The following PI4KA variants were observed in gnomAD, a reference collection of about 807,000 sequenced individuals.
PI4KA encodes phosphatidylinositol 4-kinase alpha.
PI4KA carries 122 observed loss-of-function variants against 271.4 expected under a neutral mutation model. The observed-to-expected ratio is 0.45, with a 90% CI of 0.39 to 0.52. The LOEUF (loss-of-function observed/expected upper bound fraction) is 0.52. PI4KA is among the 20% of genes least tolerant of loss of function. The pLI, the probability that PI4KA is intolerant of heterozygous loss-of-function variation, is 0.00. For synonymous variants in PI4KA, 1,041 were observed against 1,078.8 expected (o/e 0.96, Z 0.69); for missense variants, 1,969 against 2,769.1 (o/e 0.71, Z 6.48).
At chr22:20,785,175 T>A (rs553373740) in intron 19 of PI4KA, among the ~76,000 whole-genome samples, 1 of 151,652 alleles carries the variant, frequency 6.6e-6, no homozygotes, top group East Asian at 1.9e-4. Flanking sequence ...ACTTAAGTGA[T>A]CCTCTCACCT....
intron 44 of PI4KA, among the ~76,000 whole-genome samples, chr22:20,718,075 G>A (rs571990105): frequency 6.6e-6 from 1 of 152,296 alleles, no homozygotes; most frequent in East Asian, 1.9e-4. Context: ...CCCAGGAAAC[G>A]CTAGCTCCCG....
At chr22:20,744,328 G>A in intron 30 of PI4KA, among the ~76,000 whole-genome samples, 1 of 152,154 alleles carries the variant, frequency 6.6e-6, no homozygotes, top group Admixed American at 6.5e-5. Flanking sequence ...GTGCCCAAGA[G>A]CCTATGGCAT....
intron 3 of PI4KA, among the ~76,000 whole-genome samples, chr22:20,830,339 T>G (rs904069808): frequency 9.0e-5 from 11 of 121,568 alleles, no homozygotes; most frequent in African/African-American, 3.8e-4. Context: ...TGTATAAATT[T>G]GCTCCCGTGT....
chr22:20,818,452 T>A (rs749558853), intron 7 of PI4KA, 31 bp downstream of exon 7: 5 of 1,539,292 alleles, frequency 3.2e-6, no homozygotes, highest in South Asian at 1.2e-5. Context: ...AAGTATTACG[T>A]CAAAATATTC....
chr22:20,727,379 T>G lies in PI4KA; in HGVS notation c.4792A>C (p.Thr1598Pro). 1 of 1,605,266 alleles carries G rather than the reference T, an allele frequency of 6.2e-7. No homozygotes were observed. Among genetic ancestry groups the G allele is most frequent in the Non-Finnish European group, 8.5e-7 (1 of 1,176,032 alleles). ...AGCTCTGGAGCATCGGCGTCGATGG[T>G]GTGCCAGGTGACCAGGAACTGCAGA... is the stretch of plus-strand genomic sequence containing the variant. ...EAIKFLVTWH[T>P]IDADAPELSH... is the part of the protein sequence containing the mutation. The change falls in exon 41 of 55, where the codon ACC (threonine) becomes CCC (proline). Residue 1598 changes from threonine to proline, a missense_variant. Around this residue, in one of 13 missense-constraint regions of PI4KA, gnomAD observed 388 missense variants for 521.5 expected, o/e 0.74. Transcript: ENST00000255882.
In PI4KA at chr22:20,734,511, G is replaced by A; in HGVS notation, c.3784C>T (p.Gln1262Ter). The A allele has an allele frequency of 4.3e-6, 7 of 1,613,974 alleles. No individual in the cohort carries two copies. The highest frequency in any genetic ancestry group is 5.9e-6 in the Non-Finnish European group (7 of 1,179,870). Residue 1262 changes from glutamine (Q) to a stop codon, truncating the protein, a stop_gained, in exon 33 of 55, where the codon CAG becomes TAG. Coordinates refer to ENST00000255882, the MANE Select transcript of PI4KA (RefSeq NM_058004.4). LOFTEE classifies it high-confidence loss of function. ...TCAGCAGAAAACAGGCCAAATTTCTGCTCCACCGTCATGTGCCAGGCCCCT... is the reference window on the plus strand; with the variant it reads ...TCAGCAGAAAACAGGCCAAATTTCTACTCCACCGTCATGTGCCAGGCCCCT... ...MAGAWHMTVE[Q>*]KFGLFSAEIK...
At chr22:20,858,374 C>T (rs989303819) in intron 1 of PI4KA, among the ~76,000 whole-genome samples, 196 bp downstream of exon 1, 1 of 152,066 alleles carries the variant, frequency 6.6e-6, no homozygotes, top group Non-Finnish European at 1.5e-5. Flanking sequence ...ACCCTTCCCC[C>T]ACGGTCCCTC....
At chr22:20,833,682 A>G (rs1348576877) in intron 3 of PI4KA, among the ~76,000 whole-genome samples, 3 of 126,244 alleles carry the variant, frequency 2.4e-5, no homozygotes, top group Non-Finnish European at 3.2e-5. Flanking sequence ...TTTTTTTGAG[A>G]CGGAGTCTCG....
rs1484806514 is a variant in PI4KA at position 20,761,394 on chromosome 22, GA to G, written c.2709-9del. ...TCTGTTGAACGCAGTACCCTAAGAA[GA>G]AAACAGCTTTAAATAAATTTTGAAA... On this transcript the variant is annotated splice_polypyrimidine_tract_variant and intron_variant, in intron 22 of 54. Transcript: ENST00000255882. 3.1e-6 allele frequency: 5 copies of G among 1,592,126 alleles called. No individual in the cohort carries two copies. Among genetic ancestry groups the G allele is most frequent in the Non-Finnish European group, 4.3e-6 (5 of 1,160,262 alleles).
intron 32 of PI4KA, 134 bp downstream of exon 32, chr22:20,742,094 T>A: frequency 3.5e-6 from 3 of 850,536 alleles, no homozygotes; most frequent in Non-Finnish European, 3.7e-6. Flanking sequence ...ATAGAATCTG[T>A]AAGGAGACTG....
At chr22:20,812,330 C>T (rs1921153861) in intron 8 of PI4KA, among the ~76,000 whole-genome samples, 1 of 152,190 alleles carries the variant, frequency 6.6e-6, no homozygotes, top group African/African-American at 2.4e-5. Flanking sequence ...CTTCTTACAT[C>T]TTCAGCCTGA....
At chr22:20,710,465 A>G (rs1925106767) in intron 52 of PI4KA, 2 of 582,514 alleles carry the variant, frequency 3.4e-6, no homozygotes. Context: ...GGGAGAGCCC[A>G]TGGCTGAAGG....
chr22:20,779,216 C>T, intron 19 of PI4KA: 1 of 1,603,538 alleles, frequency 6.2e-7, no homozygotes, highest in Non-Finnish European at 8.5e-7. Flanking sequence ...GTCAAAGCCA[C>T]AGGGAACCTG....
At position 20,718,577 on chromosome 22, in the gene PI4KA, T is replaced by A. The variant is rs543362504; in HGVS notation, c.5246+116A>T. On this transcript the variant is annotated intron_variant, in intron 44 of 54. Transcript: ENST00000255882. ...CCAGCGGCCCCGCTGCTAGAGACTC[T>A]CATTCATCTGGTTGGGGCCAGGCAC... 709 of 1,224,508 alleles carry A rather than the reference T, an allele frequency of 5.8e-4. 3 individuals carry two copies. The highest frequency in any genetic ancestry group is 1.4e-3 in the Admixed American group (79 of 54,900). 75.9% of individuals were successfully genotyped at this position (1,224,508 alleles called of 1,614,324 possible).
intron 14 of PI4KA, 71 bp downstream of exon 14, chr22:20,801,902 T>A (rs190123605): frequency 4.0e-5 from 61 of 1,527,240 alleles, no homozygotes; most frequent in Admixed American, 3.4e-4. Flanking sequence ...GAAGTATAAA[T>A]GTCTCTTATT....
intron 47 of PI4KA, 97 bp downstream of exon 47, chr22:20,714,361 A>G (rs1925703442): frequency 1.3e-6 from 2 of 1,504,184 alleles, no homozygotes; most frequent in Admixed American, 2.2e-5. Flanking sequence ...ATCATCTTTT[A>G]TGGAGAGCTA....
intron 45 of PI4KA, among the ~76,000 whole-genome samples, chr22:20,715,359 T>C (rs755002547): frequency 6.6e-6 from 1 of 151,160 alleles, no homozygotes; most frequent in South Asian, 2.1e-4. Context: ...TGTGAGCCAC[T>C]GCGCCTGGCC....
chr22:20,710,627 T>A (rs553985624), intron 52 of PI4KA, 72 bp downstream of exon 52: 1 of 1,413,716 alleles, frequency 7.1e-7, no homozygotes, highest in East Asian at 2.3e-5. Flanking sequence ...CGGATTCCCT[T>A]CATCCTAAAG....
At chr22:20,709,715 G>A (rs562352843) in intron 53 of PI4KA, among the ~76,000 whole-genome samples, 193 bp downstream of exon 53, 1 of 122,288 alleles carries the variant, frequency 8.2e-6, no homozygotes, top group Admixed American at 8.9e-5. Context: ...TCTCTGGTGT[G>A]GCCGGCACAA....
Sources: allele counts gnomAD v4.1 joint callset (sites outside exome capture counted in the v4.1 genomes callset), GRCh38; gene constraint gnomAD v4.1.1; regional missense constraint gnomAD v4.1.1; transcripts MANE v1.5; gene names NCBI Gene and HGNC (gene_info 2026-07-23, HGNC 2026-07-21).